Variants in PTPRN2 observed in about 807,000 individuals in gnomAD.
The protein encoded by PTPRN2 is protein tyrosine phosphatase receptor type N2, also known as receptor-type tyrosine-protein phosphatase N2.
Under a neutral mutation model 118.8 loss-of-function variants are expected in PTPRN2, and 74 were observed. The ratio of observed to expected loss-of-function variants is 0.62; its 90% CI spans 0.52 to 0.76. The LOEUF (loss-of-function observed/expected upper bound fraction) is 0.76. Among genes scored for constraint, PTPRN2 ranks in the 30% least tolerant of loss-of-function variants. The pLI, the probability that PTPRN2 is intolerant of heterozygous loss-of-function variation, is 0.00. For missense variants in PTPRN2, 1,481 were observed against 1,394.4 expected (o/e 1.06, Z -0.99); for synonymous variants, 641 against 608.0 (o/e 1.05, Z -0.80).
chr7:157,761,618 T>C (rs200868693), intron 12 of PTPRN2, among the ~76,000 whole-genome samples: 1,830 of 148,046 alleles, frequency 0.012, 140 homozygotes, highest in East Asian at 0.096. Flanking sequence ...ATTAAAGACT[T>C]AAACATTAGA....
chr7:158,457,464 G>A (rs1226797345), intron 2 of PTPRN2, among the ~76,000 whole-genome samples: 2 of 151,930 alleles, frequency 1.3e-5, no homozygotes, highest in African/African-American at 2.4e-5. Flanking sequence ...GCGGATGCGC[G>A]GCCCCAGTCA....
chr7:158,553,460 A>C (rs1205038566), intron 1 of PTPRN2, among the ~76,000 whole-genome samples: 4 of 151,510 alleles, frequency 2.6e-5, no homozygotes, highest in Middle Eastern at 3.5e-3. Flanking sequence ...ACACACACAC[A>C]GGCTTGGGAG....
chr7:158,416,768 C>T (rs1340187271), intron 2 of PTPRN2, among the ~76,000 whole-genome samples: 1 of 152,202 alleles, frequency 6.6e-6, no homozygotes, highest in African/African-American at 2.4e-5. Flanking sequence ...AGGAAGGCAA[C>T]TCATCCGCAC....
chr7:157,555,749 T>C (rs1426765057), intron 21 of PTPRN2, among the ~76,000 whole-genome samples: 1 of 152,182 alleles, frequency 6.6e-6, no homozygotes, highest in African/African-American at 2.4e-5. Context: ...AGAGAGGCCT[T>C]TACTTGCAGG....
In PTPRN2 at chr7:157,774,119, A is replaced by G. The variant is rs1205274365; in HGVS notation, c.1789-91182T>C. 2.6e-5 allele frequency among the ~76,000 whole-genome samples: 4 copies of G among 152,346 alleles called. No individual in the cohort carries two copies. The East Asian group carries it at 5.8e-4, about 22-fold the overall frequency. On this transcript the variant is annotated intron_variant, in intron 12 of 22. Coordinates refer to ENST00000389418, the MANE Select transcript of PTPRN2 (RefSeq NM_002847.5). ...CCTACTTACTAGGAGCTGGCTACGG[A>G]TGGGGCTGTGAGCTCCCTAGCTGCC... is the stretch of plus-strand genomic sequence containing the variant.
chr7:157,791,849 G>A (rs957095088), intron 12 of PTPRN2, among the ~76,000 whole-genome samples: 4 of 152,214 alleles, frequency 2.6e-5, no homozygotes, highest in East Asian at 1.9e-4. Context: ...CAGCAACGCC[G>A]TGCAGCACGC....
rs140769996 is a variant in PTPRN2, at chr7:157,642,605, C to T, written c.2196+13752G>A. On this transcript the variant is annotated intron_variant, in intron 14 of 22. Coordinates refer to ENST00000389418, the MANE Select transcript of PTPRN2 (RefSeq NM_002847.5). ...CACTGGGTGCTCAGAAAACGCTGCA[C>T]GAATGAGCACTTTCCAGACCTGACT... is the stretch of plus-strand genomic sequence containing the variant. 1.2e-4 allele frequency among the ~76,000 whole-genome samples: 18 copies of T among 152,180 alleles called. 1 individual carries two copies. The highest frequency in any genetic ancestry group is 3.9e-4 in the East Asian group (2 of 5,162).
At chr7:158,282,807 C>A (rs73746464) in intron 3 of PTPRN2, among the ~76,000 whole-genome samples, 4,146 of 151,762 alleles carry the variant, frequency 0.027, 185 homozygotes, top group African/African-American at 0.094. Flanking sequence ...CTGATCCCTC[C>A]TCGTGCTCCC....
At chr7:157,841,986 A>T (rs2151185483) in intron 12 of PTPRN2, among the ~76,000 whole-genome samples, 1 of 152,176 alleles carries the variant, frequency 6.6e-6, no homozygotes, top group East Asian at 1.9e-4. Context: ...TACTTTAAGG[A>T]TCAACATCAA....
At position 157,779,586 on chromosome 7, in the gene PTPRN2, C is replaced by T. The variant is rs1320541665; in HGVS notation, c.1789-96649G>A. On this transcript the variant is annotated intron_variant, in intron 12 of 22. Transcript: ENST00000389418. The surrounding 1 kb of genome is among the most constrained non-coding windows in gnomAD (Gnocchi z 4.7). ...GGCGGCAGGCTGTCTCCGGTGCTTG[C>T]CTTCTCTGTCTAAATAACTTGCTTC... Among the ~76,000 whole-genome samples the T allele has an allele frequency of 6.6e-6, 1 of 152,152 alleles. No individual in the cohort carries two copies. Among genetic ancestry groups the T allele is most frequent in the African/African-American group, 2.4e-5 (1 of 41,444 alleles).
intron 9 of PTPRN2, among the ~76,000 whole-genome samples, chr7:158,127,031 T>C (rs888730036): frequency 6.6e-6 from 1 of 152,156 alleles, no homozygotes; most frequent in African/African-American, 2.4e-5. Flanking sequence ...CAAGAAAGTT[T>C]TGTCATAAGA....
intron 14 of PTPRN2, among the ~76,000 whole-genome samples, chr7:157,646,738 A>G (rs1805101759): frequency 6.6e-6 from 1 of 152,186 alleles, no homozygotes; most frequent in South Asian, 2.1e-4. Context: ...TGGACACGGG[A>G]GGCTCTAGAA....
At chr7:158,557,078 G>A (rs1177960848) in intron 1 of PTPRN2, among the ~76,000 whole-genome samples, 3 of 137,230 alleles carry the variant, frequency 2.2e-5, no homozygotes, top group East Asian at 2.4e-4. Context: ...TCCCGCGCAG[G>A]TCAGGCGGCT....
chr7:158,326,712 GCT>G (rs925666368), intron 2 of PTPRN2, among the ~76,000 whole-genome samples: 2 of 135,550 alleles, frequency 1.5e-5, no homozygotes, highest in South Asian at 2.4e-4. Context: ...CCTCACACAT[GCT>G]CTCACATGCA....
rs922309350 is a variant in PTPRN2, at chr7:157,622,124, C to T, written c.2197-615G>A. On this transcript the variant is annotated intron_variant, in intron 14 of 22. Transcript: ENST00000389418. This position sits in a 1 kb window ranked among gnomAD's most constrained non-coding sequence, Gnocchi z 5.3. The stretch of plus-strand genomic sequence containing the variant: ...TTCCCTTCCACAAAAACCCCCATGC[C>T]GCCAGCACAGCCCACTCGGTTCTTA... Among the ~76,000 whole-genome samples, 8 of 152,036 alleles carry T rather than the reference C, an allele frequency of 5.3e-5. No homozygotes were observed. Among genetic ancestry groups the T allele is most frequent in the African/African-American group, 7.2e-5 (3 of 41,380 alleles).
Position 158,424,235 on chromosome 7 carries a change from T to C in PTPRN2, c.163+65500A>G, listed in dbSNP as rs566978345. Among the ~76,000 whole-genome samples the C allele has an allele frequency of 1.6e-4, 24 of 152,274 alleles. No individual in the cohort carries two copies. In the South Asian group the frequency reaches 5.0e-3, roughly 32 times the overall value. ...TGGCACCATCCCGTTCTGTTTTCGG[T>C]GCGGCCCGTTCTTCGGGCTTTATTA... On this transcript the variant is annotated intron_variant, in intron 2 of 22. Coordinates refer to ENST00000389418, the MANE Select transcript of PTPRN2 (RefSeq NM_002847.5).
At chr7:157,778,692 T>C (rs1803490073) in intron 12 of PTPRN2, among the ~76,000 whole-genome samples, 2 of 151,340 alleles carry the variant, frequency 1.3e-5, no homozygotes, top group East Asian at 3.9e-4. Flanking sequence ...TGTGAATACA[T>C]GCACTGAACG....
rs1337027182 is a variant in PTPRN2 at position 158,529,462 on chromosome 7, G to A, written c.113-39677C>T. 6.6e-6 allele frequency among the ~76,000 whole-genome samples: 1 copy of A among 152,168 alleles called. No individual in the cohort carries two copies. Among genetic ancestry groups the A allele is most frequent in the African/African-American group, 2.4e-5 (1 of 41,420 alleles). ...GACAGGGAAGGTGCTGCTGACCACG[G>A]CCAGCAACGACGAGCCATGGTGACA... On this transcript the variant is annotated intron_variant, in intron 1 of 22. Transcript: ENST00000389418. The surrounding 1 kb of genome is among the most constrained non-coding windows in gnomAD (Gnocchi z 4.7).
intron 12 of PTPRN2, among the ~76,000 whole-genome samples, chr7:157,847,152 G>A (rs1317557098): frequency 5.2e-5 from 7 of 134,816 alleles, no homozygotes; most frequent in Non-Finnish European, 9.4e-5. Context: ...TCCATCATGC[G>A]TGCCCGATGT....
Sources: allele counts gnomAD v4.1 joint callset (sites outside exome capture counted in the v4.1 genomes callset), GRCh38; gene constraint gnomAD v4.1.1; non-coding constraint Gnocchi (gnomAD v3.1); transcripts MANE v1.5; gene names NCBI Gene and HGNC (gene_info 2026-07-23, HGNC 2026-07-21).